ANKS1B: variants seen among roughly 807,000 people sequenced by gnomAD.
ANKS1B encodes ankyrin repeat and sterile alpha motif domain containing 1B, also known as ankyrin repeat and sterile alpha motif domain-containing protein 1B.
A neutral mutation model predicts 148.3 loss-of-function variants in ANKS1B; 36 were observed. That is an observed-to-expected ratio of 0.24 (90% CI 0.19 to 0.32). The LOEUF (loss-of-function observed/expected upper bound fraction) is 0.32, where lower values mean the gene tolerates loss of function less well. Among genes scored for constraint, ANKS1B ranks in the 10% least tolerant of loss-of-function variants. The probability of loss-of-function intolerance (pLI) is 1.00; values close to 1 mark genes in which losing one functional copy is unlikely to be tolerated. For missense variants in ANKS1B, 1,157 were observed against 1,542.6 expected (o/e 0.75, Z 4.19); for synonymous variants, 542 against 560.8 (o/e 0.97, Z 0.47).
intron 12 of ANKS1B, among the ~76,000 whole-genome samples, chr12:99,268,712 A>C (rs1271178215): frequency 1.3e-5 from 2 of 152,240 alleles, no homozygotes; most frequent in Non-Finnish European, 2.9e-5. Context: ...ATTCTAAATT[A>C]AAAAACAATC....
At chr12:99,804,012 C>T (rs184958228) in intron 4 of ANKS1B, among the ~76,000 whole-genome samples, 64 of 151,912 alleles carry the variant, frequency 4.2e-4, no homozygotes, top group Admixed American at 4.2e-3. Context: ...CAGTGTTTTG[C>T]AGAAAAAAAG....
At chr12:98,850,614 C>T (rs2099518775) in intron 17 of ANKS1B, among the ~76,000 whole-genome samples, 1 of 151,776 alleles carries the variant, frequency 6.6e-6, no homozygotes, top group South Asian at 2.1e-4. Context: ...ACTACTGGCA[C>T]ACGCCGCCAC....
chr12:99,811,205 A>G (rs1051912315), intron 3 of ANKS1B, among the ~76,000 whole-genome samples: 5 of 151,882 alleles, frequency 3.3e-5, no homozygotes, highest in Non-Finnish European at 7.4e-5. Flanking sequence ...AGCAATTGTT[A>G]CTTTTTATCC....
chr12:99,267,609 T>C (rs2076578429), intron 12 of ANKS1B, among the ~76,000 whole-genome samples: 1 of 152,090 alleles, frequency 6.6e-6, no homozygotes, highest in Non-Finnish European at 1.5e-5. Flanking sequence ...AACAAACATG[T>C]ATCACACTGA....
chr12:99,185,986 C>T (rs2079789283), intron 14 of ANKS1B, among the ~76,000 whole-genome samples: 1 of 152,200 alleles, frequency 6.6e-6, no homozygotes, highest in African/African-American at 2.4e-5. Context: ...AGCTAAGATC[C>T]ACTGGCTTGA....
At chr12:98,908,086 C>T (rs988329406) in intron 17 of ANKS1B, among the ~76,000 whole-genome samples, 1 of 152,060 alleles carries the variant, frequency 6.6e-6, no homozygotes, top group South Asian at 2.1e-4. Flanking sequence ...AGTCTTTCAC[C>T]CATCTCTGAC....
At chr12:99,080,788 C>G (rs1308843485) in intron 16 of ANKS1B, among the ~76,000 whole-genome samples, 1 of 152,136 alleles carries the variant, frequency 6.6e-6, no homozygotes, top group Non-Finnish European at 1.5e-5. Flanking sequence ...CAGGTAATAT[C>G]CCTGTGTCCA....
chr12:99,957,007 A>T (rs1468811176), intron 1 of ANKS1B, among the ~76,000 whole-genome samples: 2 of 152,224 alleles, frequency 1.3e-5, no homozygotes, highest in Non-Finnish European at 2.9e-5. Context: ...GGAGTCTTAC[A>T]GAGCTGGCTT....
chr12:99,315,291 G>A (rs1460477441), intron 12 of ANKS1B, among the ~76,000 whole-genome samples: 1 of 149,068 alleles, frequency 6.7e-6, no homozygotes, highest in African/African-American at 2.5e-5. Flanking sequence ...CTTACAAAAC[G>A]GAAAAAATTT....
intron 9 of ANKS1B, among the ~76,000 whole-genome samples, chr12:99,609,424 C>T (rs1037470129): frequency 6.6e-6 from 1 of 151,770 alleles, no homozygotes; most frequent in African/African-American, 2.4e-5. Context: ...AAGGTACAGT[C>T]CTCCAAAGAC....
At chr12:98,996,863 A>T (rs2153343201) in intron 17 of ANKS1B, among the ~76,000 whole-genome samples, 1 of 150,816 alleles carries the variant, frequency 6.6e-6, no homozygotes, top group Middle Eastern at 3.5e-3. Context: ...TGAATGATGA[A>T]CACTTCCCAG....
intron 9 of ANKS1B, among the ~76,000 whole-genome samples, chr12:99,540,327 A>G (rs935026569): frequency 1.3e-5 from 2 of 152,198 alleles, no homozygotes; most frequent in Non-Finnish European, 2.9e-5. Context: ...ACAGACATCT[A>G]TAGACTACTC....
intron 9 of ANKS1B, among the ~76,000 whole-genome samples, chr12:99,538,487 CATTT>C (rs1280581973): frequency 1.3e-5 from 2 of 151,814 alleles, no homozygotes; most frequent in Non-Finnish European, 2.9e-5. Flanking sequence ...TTTCTTAATT[CATTT>C]GTTTTTAATC....
At chr12:99,207,015 TACG>T (rs1208683802) in intron 14 of ANKS1B, among the ~76,000 whole-genome samples, 1 of 152,178 alleles carries the variant, frequency 6.6e-6, no homozygotes, top group African/African-American at 2.4e-5. Flanking sequence ...GAATGATGGT[TACG>T]ACAAGGTCTG....
At chr12:99,907,877 T>C (rs1239264003) in intron 1 of ANKS1B, among the ~76,000 whole-genome samples, 1 of 135,776 alleles carries the variant, frequency 7.4e-6, no homozygotes, top group African/African-American at 2.8e-5. Context: ...ACCTTGTTAA[T>C]AGGATGTTCA....
At chr12:98,838,285 C>T (rs2099386710) in intron 17 of ANKS1B, among the ~76,000 whole-genome samples, 1 of 152,170 alleles carries the variant, frequency 6.6e-6, no homozygotes, top group South Asian at 2.1e-4. Context: ...TACATAGACA[C>T]AGCATAGAAA....
intron 14 of ANKS1B, among the ~76,000 whole-genome samples, chr12:99,169,018 G>C (rs572707079): frequency 8.5e-5 from 13 of 152,220 alleles, no homozygotes; most frequent in Non-Finnish European, 1.8e-4. Flanking sequence ...AATTAGGTTC[G>C]AGTTCATTAG....
At chr12:99,967,287 A>T (rs1197658497) in intron 1 of ANKS1B, among the ~76,000 whole-genome samples, 1 of 152,202 alleles carries the variant, frequency 6.6e-6, no homozygotes, top group Admixed American at 6.5e-5. Flanking sequence ...ACTCTACAAG[A>T]TAGATGTTAT....
At chr12:99,258,839 C>A (rs1047470171) in intron 12 of ANKS1B, among the ~76,000 whole-genome samples, 19 of 152,012 alleles carry the variant, frequency 1.2e-4, no homozygotes, top group African/African-American at 4.6e-4. Context: ...TCCAAACATA[C>A]AAGAAATTAA....
Sources: allele counts gnomAD v4.1 joint callset (sites outside exome capture counted in the v4.1 genomes callset), GRCh38; gene constraint gnomAD v4.1.1; transcripts MANE v1.5; gene names NCBI Gene and HGNC (gene_info 2026-07-23, HGNC 2026-07-21).